CSMD1: variants seen among roughly 807,000 people sequenced by gnomAD.
CSMD1 encodes the protein CUB and sushi domain-containing protein 1.
In CSMD1, 213 loss-of-function variants were observed where a neutral mutation model predicts 417.5. The observed-to-expected ratio is 0.51, with a 90% CI of 0.46 to 0.57. CSMD1 has a LOEUF of 0.57. Ranked by LOEUF, CSMD1 falls within the 20% of genes least tolerant of loss-of-function variation. The pLI, the probability that CSMD1 is intolerant of heterozygous loss-of-function variation, is 0.00. For synonymous variants in CSMD1, 2,862 were observed against 1,736.8 expected (o/e 1.65, Z -16.11); for missense variants, 6,923 against 4,529.7 (o/e 1.53, Z -15.17).
chr8:4,260,049 G>A (rs192990564), intron 3 of CSMD1, among the ~76,000 whole-genome samples: 7 of 150,600 alleles, frequency 4.6e-5, no homozygotes, highest in African/African-American at 7.3e-5. Flanking sequence ...ACACATACTT[G>A]AAAGGGAAGT....
At chr8:3,731,308 T>C (rs1585148039) in intron 6 of CSMD1, among the ~76,000 whole-genome samples, 1 of 152,316 alleles carries the variant, frequency 6.6e-6, no homozygotes, top group African/African-American at 2.4e-5. Context: ...AAACAGAGTC[T>C]CTCTGAATGC....
intron 1 of CSMD1, among the ~76,000 whole-genome samples, chr8:4,941,573 T>A (rs1423777169): frequency 3.3e-5 from 5 of 152,008 alleles, no homozygotes; most frequent in Admixed American, 6.6e-5. Context: ...ATCCTGTTCA[T>A]GGAAACAATC....
At chr8:3,466,002 G>C (rs1328861767) in intron 12 of CSMD1, among the ~76,000 whole-genome samples, 16 of 152,070 alleles carry the variant, frequency 1.1e-4, no homozygotes, top group Admixed American at 1.0e-3. Flanking sequence ...CCCCTCAGTT[G>C]GGTTTACATG....
intron 1 of CSMD1, among the ~76,000 whole-genome samples, chr8:4,966,139 G>A (rs1354126907): frequency 6.7e-6 from 1 of 150,096 alleles, no homozygotes; most frequent in Non-Finnish European, 1.5e-5. Flanking sequence ...CGAGGCAGGT[G>A]GATCACCTGA....
At chr8:3,728,361 G>C (rs944713780) in intron 6 of CSMD1, among the ~76,000 whole-genome samples, 1 of 152,098 alleles carries the variant, frequency 6.6e-6, no homozygotes, top group Non-Finnish European at 1.5e-5. Context: ...ATTAAACCTC[G>C]TTCCTTTATC....
intron 10 of CSMD1, among the ~76,000 whole-genome samples, chr8:3,538,668 T>G (rs541970420): frequency 6.6e-6 from 1 of 152,246 alleles, no homozygotes; most frequent in African/African-American, 2.4e-5. Context: ...GACTGGCCTT[T>G]TCTTCCTTAG....
chr8:3,253,754 G>C (rs1053840019), intron 26 of CSMD1, among the ~76,000 whole-genome samples: 1 of 151,932 alleles, frequency 6.6e-6, no homozygotes, highest in Admixed American at 6.6e-5. Context: ...CTTTTATTTT[G>C]AGCCTATGTG....
chr8:3,258,940 G>T (rs533469996), intron 26 of CSMD1, among the ~76,000 whole-genome samples: 1 of 152,150 alleles, frequency 6.6e-6, no homozygotes. Flanking sequence ...GCGGTCTCCC[G>T]GATGGTGGAA....
chr8:2,951,206 G>C lies in CSMD1; in HGVS notation c.10109C>G (p.Pro3370Arg), dbSNP rs762264890. 1 of 1,612,318 alleles carries C rather than the reference G, an allele frequency of 6.2e-7. No homozygotes were observed. The highest frequency in any genetic ancestry group is 1.7e-5 in the Admixed American group (1 of 59,742). The change falls in exon 66 of 70, where the codon CCC becomes CGC. Residue 3370 changes from proline (P) to arginine (R), a missense_variant. Pro to Arg is a moderately radical substitution (Grantham distance 103). Coordinates refer to ENST00000635120, the MANE Select transcript of CSMD1 (RefSeq NM_033225.6). ...GYYEYLGKRQ[P>R]ATLTVDWFNA... ...GAACCAGTCAACAGTTAGAGTGGCG[G>C]GTTGTCTTTTCCCTAAATATTCATA...
At chr8:4,058,029 T>C (rs1798787591) in intron 3 of CSMD1, among the ~76,000 whole-genome samples, 1 of 151,622 alleles carries the variant, frequency 6.6e-6, no homozygotes, top group South Asian at 2.1e-4. Flanking sequence ...TCTTTTTTGG[T>C]TCCATATGAA....
chr8:4,324,430 C>A (rs532668106), intron 3 of CSMD1, among the ~76,000 whole-genome samples: 1 of 152,198 alleles, frequency 6.6e-6, no homozygotes, highest in Non-Finnish European at 1.5e-5. Flanking sequence ...AAGCTAGAAG[C>A]CTAGCCTTTG....
At chr8:3,606,470 G>C (rs1292770936) in intron 8 of CSMD1, among the ~76,000 whole-genome samples, 1 of 150,696 alleles carries the variant, frequency 6.6e-6, no homozygotes, top group Non-Finnish European at 1.5e-5. Flanking sequence ...GAAAAGATAT[G>C]GTATGAAAGA....
intron 8 of CSMD1, among the ~76,000 whole-genome samples, chr8:3,594,790 G>T (rs901495752): frequency 6.6e-6 from 1 of 152,194 alleles, no homozygotes; most frequent in African/African-American, 2.4e-5. Context: ...GGTTGGGAAG[G>T]TGTTAACCTC....
intron 26 of CSMD1, among the ~76,000 whole-genome samples, chr8:3,281,486 T>C (rs892632140): frequency 6.6e-5 from 10 of 152,048 alleles, no homozygotes; most frequent in Admixed American, 5.2e-4. Flanking sequence ...AACAAGTCAA[T>C]AGAATATTAT....
In CSMD1 at chr8:4,121,582, T is replaced by TTC. The variant is rs397763695; in HGVS notation, c.416-89484_416-89483insGA. ...ATGTAATCAATCTTTTATTTTTTTT[T>TTC]CAAAAGAGAAGTAAATCATGTGCAT... On this transcript the variant is annotated intron_variant, in intron 3 of 69. Coordinates refer to ENST00000635120, the MANE Select transcript of CSMD1 (RefSeq NM_033225.6). Among the ~76,000 whole-genome samples the TTC allele has an allele frequency of 1.3e-4, 20 of 151,704 alleles. No homozygotes were observed. The East Asian group carries it at 3.9e-3, about 29-fold the overall frequency.
At position 3,205,532 on chromosome 8, in the gene CSMD1, G is replaced by C. The variant is rs746061132; in HGVS notation, c.4956C>G (p.Leu1652=). The C allele has an allele frequency of 3.1e-6, 5 of 1,590,312 alleles. No individual in the cohort carries two copies. The East Asian group carries it at 6.7e-5, about 21-fold the overall frequency. ...ATTCCTTTGGTACCGTGATGGAATA[G>C]AGGCATATTTGACCAGCTGTGTAAT... ...PHNYTAGQIC[L]YSITVPKEFV... is the part of the protein sequence containing the mutation. The change falls in exon 31 of 70, where the codon CTC becomes CTG. Residue 1652 remains leucine (L), a synonymous_variant. Transcript: ENST00000635120.
intron 1 of CSMD1, among the ~76,000 whole-genome samples, chr8:4,647,272 T>C (rs1173107518): frequency 2.0e-5 from 3 of 149,772 alleles, no homozygotes; most frequent in Admixed American, 1.3e-4. Flanking sequence ...AAAAAAAAAA[T>C]CCGGGATACA....
intron 2 of CSMD1, among the ~76,000 whole-genome samples, chr8:4,589,832 C>T (rs1404945850): frequency 6.6e-6 from 1 of 152,140 alleles, no homozygotes. Context: ...TTGGCAGTTT[C>T]TGGAATGCAG....
At chr8:4,413,706 A>G (rs1051550829) in intron 3 of CSMD1, among the ~76,000 whole-genome samples, 4 of 152,132 alleles carry the variant, frequency 2.6e-5, no homozygotes, top group African/African-American at 9.7e-5. Context: ...TTCCAATGTC[A>G]TTTAACATTG....
Sources: gnomAD v4.1 joint callset for allele counts (sites outside exome capture counted in the v4.1 genomes callset) on GRCh38, gnomAD v4.1.1 for gene constraint, MANE v1.5 for transcripts, NCBI Gene and HGNC (gene_info 2026-07-23, HGNC 2026-07-21) for gene names.